The following TOGARAM2 variants were observed in gnomAD, a reference collection of about 807,000 sequenced individuals.
TOGARAM2 encodes TOG array regulator of axonemal microtubules protein 2.
TOGARAM2 carries 85 observed loss-of-function variants against 93.3 expected under a neutral mutation model. That is an observed-to-expected ratio of 0.91 (90% CI 0.76 to 1.09). The LOEUF is 1.09. Among genes scored for constraint, TOGARAM2 ranks in the 50% least tolerant of loss-of-function variants. The probability of loss-of-function intolerance (pLI) is 0.00; values close to 1 mark genes in which losing one functional copy is unlikely to be tolerated. For missense variants in TOGARAM2, 1,277 were observed against 1,334.5 expected, an observed-to-expected ratio of 0.96 and a Z score of 0.67; for synonymous variants, 593 against 552.8, an observed-to-expected ratio of 1.07 and a Z score of -1.02.
At chr2:29,046,153 A>G (rs572219566) in intron 19 of TOGARAM2, 1 of 152,520 alleles carries the variant, frequency 6.6e-6, no homozygotes, top group Admixed American at 6.5e-5. Context: ...GAGTCTACTC[A>G]GCCTTGCTCA....
intron 1 of TOGARAM2, among the ~76,000 whole-genome samples, chr2:28,993,638 A>G (rs764952845): frequency 1.3e-5 from 2 of 152,158 alleles, no homozygotes; most frequent in Non-Finnish European, 2.9e-5. Flanking sequence ...CAGACAGGGA[A>G]CTCATGTCTT....
intron 14 of TOGARAM2, among the ~76,000 whole-genome samples, chr2:29,030,165 A>G (rs528141073): frequency 2.0e-5 from 3 of 152,274 alleles, no homozygotes; most frequent in East Asian, 3.9e-4. Context: ...GGTCCCAGCT[A>G]CTTGAGAGGC....
rs943793152 is a variant in TOGARAM2, at chr2:28,956,989, G to C, written c.-147+292G>C. ...AAAGTACAAAAATTGGCCGGGAATGGTGGAGGGCATCTGTAATCCCAGGAG... is the reference window on the plus strand; with the variant it reads ...AAAGTACAAAAATTGGCCGGGAATGCTGGAGGGCATCTGTAATCCCAGGAG... On this transcript the variant is annotated intron_variant, in intron 1 of 6. Transcript: ENST00000401723. The surrounding 1 kb of genome is among the most constrained non-coding windows in gnomAD (Gnocchi z 4.5). Among the ~76,000 whole-genome samples, 1 of 152,006 alleles carries C rather than the reference G, an allele frequency of 6.6e-6. No individual in the cohort carries two copies. Among genetic ancestry groups the C allele is most frequent in the Admixed American group, 6.6e-5 (1 of 15,266 alleles).
At chr2:28,997,931 C>A (rs1324752464) in intron 2 of TOGARAM2, among the ~76,000 whole-genome samples, 1 of 152,024 alleles carries the variant, frequency 6.6e-6, no homozygotes, top group Admixed American at 6.6e-5. Flanking sequence ...CTGGGGCAAG[C>A]GGGGTTGGAG....
chr2:29,006,713 G>A (rs78778327), intron 6 of TOGARAM2, among the ~76,000 whole-genome samples: 11,404 of 152,060 alleles, frequency 0.075, 1,079 homozygotes, highest in African/African-American at 0.21. Flanking sequence ...ATAGAGACCC[G>A]TCCATGTACC....
At chr2:28,988,243 G>C (rs1572637923) in intron 1 of TOGARAM2, among the ~76,000 whole-genome samples, 1 of 152,192 alleles carries the variant, frequency 6.6e-6, no homozygotes, top group East Asian at 1.9e-4. Flanking sequence ...GGAAAGGAAA[G>C]GAATGGTTTG....
At chr2:29,045,522 A>C in intron 19 of TOGARAM2, 112 bp downstream of exon 19, 1 of 891,278 alleles carries the variant, frequency 1.1e-6, no homozygotes, top group Non-Finnish European at 1.8e-6. Flanking sequence ...ATCCCCCCCA[A>C]TCATTTAAAA....
chr2:28,987,456 A>T (rs1288938056), intron 1 of TOGARAM2, among the ~76,000 whole-genome samples: 3 of 151,944 alleles, frequency 2.0e-5, no homozygotes, highest in Non-Finnish European at 4.4e-5. Context: ...CGCCCAGCTA[A>T]TTTTTTGTAT....
chr2:29,018,189 G>A (rs1664712930), intron 10 of TOGARAM2: 1 of 527,982 alleles, frequency 1.9e-6, no homozygotes, highest in Non-Finnish European at 3.3e-6. Flanking sequence ...GAGTTGTGAT[G>A]TCCTCAGCCT....
In TOGARAM2 at chr2:29,005,519, G is replaced by A. The variant is rs1298702828; in HGVS notation, c.830+1837G>A. On this transcript the variant is annotated intron_variant, in intron 6 of 19. Coordinates refer to ENST00000379558, the MANE Select transcript of TOGARAM2 (RefSeq NM_199280.4). ...TGAGTGCATGTGTTTGTGTAACTAC[G>A]TGTGTGAAGCCATGTGTGGTGTGTG... Among the ~76,000 whole-genome samples the A allele has an allele frequency of 9.4e-5, 13 of 138,396 alleles. No homozygotes were observed. In the South Asian group the frequency reaches 2.4e-3, roughly 25 times the overall value. The allele number at this position is 138,396 out of a possible 152,430, so 90.8% of individuals were successfully genotyped here. A position where few individuals can be genotyped will look rare whatever the true frequency, so the allele number is the denominator to read the frequency against.
chr2:29,004,351 A>G (rs1471984878), intron 6 of TOGARAM2, among the ~76,000 whole-genome samples: 4 of 152,210 alleles, frequency 2.6e-5, no homozygotes, highest in Non-Finnish European at 5.9e-5. Context: ...TATTTTCTTA[A>G]TTGATGGATA....
intron 10 of TOGARAM2, among the ~76,000 whole-genome samples, chr2:29,019,707 A>T (rs1664813914): frequency 6.6e-6 from 1 of 152,180 alleles, no homozygotes; most frequent in African/African-American, 2.4e-5. Context: ...GGAGTTAGGA[A>T]AAAAAGCCAA....
chr2:28,982,900 C>G (rs1210605889), intron 1 of TOGARAM2, among the ~76,000 whole-genome samples: 1 of 152,112 alleles, frequency 6.6e-6, no homozygotes, highest in African/African-American at 2.4e-5. Flanking sequence ...ACAGCTGCCT[C>G]CCTTCCCCTT....
intron 1 of TOGARAM2, among the ~76,000 whole-genome samples, chr2:28,986,187 A>G (rs965922648): frequency 2.0e-5 from 3 of 151,790 alleles, no homozygotes; most frequent in Non-Finnish European, 4.4e-5. Flanking sequence ...TGCCCAACCT[A>G]GACAATCAAA....
At chr2:28,999,521 C>G (rs189070524) in intron 4 of TOGARAM2, 53 bp downstream of exon 4, 13 of 1,518,894 alleles carry the variant, frequency 8.6e-6, no homozygotes, top group South Asian at 1.3e-5. Context: ...GGTCAAGGGC[C>G]GCAGGCCTCC....
upstream of TOGARAM2, among the ~76,000 whole-genome samples, chr2:28,980,381 C>T (rs906868119): frequency 3.3e-5 from 5 of 152,254 alleles, no homozygotes; most frequent in African/African-American, 1.2e-4. Flanking sequence ...TGTAGTTGGC[C>T]TCCCACCAGC....
At chr2:29,005,893 G>A (rs1181170083) in intron 6 of TOGARAM2, among the ~76,000 whole-genome samples, 3 of 150,040 alleles carry the variant, frequency 2.0e-5, no homozygotes, top group African/African-American at 7.4e-5. Flanking sequence ...GCATGTGTAT[G>A]TGTGTGAGTG....
At chr2:28,993,692 G>C (rs1672851044) in intron 1 of TOGARAM2, among the ~76,000 whole-genome samples, 1 of 151,922 alleles carries the variant, frequency 6.6e-6, no homozygotes, top group African/African-American at 2.4e-5. Flanking sequence ...AGCTGGGCTG[G>C]GTGCTGGGCT....
chr2:29,036,349 G>T (rs1191951547), intron 17 of TOGARAM2, among the ~76,000 whole-genome samples, 192 bp from the exon 18 acceptor site: 1 of 152,160 alleles, frequency 6.6e-6, no homozygotes. Context: ...ATACCTGTTG[G>T]TTCCTCCCCT....
Sources: allele counts gnomAD v4.1 joint callset (sites outside exome capture counted in the v4.1 genomes callset), GRCh38; gene constraint gnomAD v4.1.1; non-coding constraint Gnocchi (gnomAD v3.1); transcripts MANE v1.5; gene names NCBI Gene and HGNC (gene_info 2026-07-23, HGNC 2026-07-21).